Variants in CYP2C8 observed in about 807,000 individuals in gnomAD.
CYP2C8 encodes the protein cytochrome P450 2C8.
CYP2C8 carries 51 observed loss-of-function variants against 41.3 expected under a neutral mutation model. The ratio of observed to expected loss-of-function variants is 1.24; its 90% confidence interval spans 0.99 to 1.56. CYP2C8 has a LOEUF of 1.56. Ranked by LOEUF, CYP2C8 falls within the 40% of genes most tolerant of loss-of-function variation. The probability of loss-of-function intolerance (pLI) is 0.00; values close to 1 mark genes in which losing one functional copy is unlikely to be tolerated. For missense variants in CYP2C8, 651 were observed against 579.9 expected (o/e 1.12, Z -1.26); for synonymous variants, 218 against 205.8 (o/e 1.06, Z -0.51).
intron 4 of CYP2C8, among the ~76,000 whole-genome samples, chr10:95,063,528 T>G (rs560927556): frequency 6.6e-6 from 1 of 152,336 alleles, no homozygotes; most frequent in African/African-American, 2.4e-5. Flanking sequence ...GTTATTCTAG[T>G]TAGCCATTCA....
chr10:95,061,129 T>C (rs559851547), intron 4 of CYP2C8, among the ~76,000 whole-genome samples: 1 of 152,346 alleles, frequency 6.6e-6, no homozygotes, highest in East Asian at 1.9e-4. Context: ...CTGCCAGGCT[T>C]TGTTATCAGG....
chr10:95,043,438 T>C (rs1166253985), intron 6 of CYP2C8, among the ~76,000 whole-genome samples: 2 of 152,206 alleles, frequency 1.3e-5, no homozygotes, highest in East Asian at 3.8e-4. Context: ...TGGGGTATAA[T>C]GTTAAATTGT....
At chr10:95,047,651 T>C (rs1040754505) in intron 5 of CYP2C8, among the ~76,000 whole-genome samples, 2 of 152,094 alleles carry the variant, frequency 1.3e-5, no homozygotes, top group Non-Finnish European at 2.9e-5. Flanking sequence ...ATACAAAAAC[T>C]TGAGGCATTA....
intron 6 of CYP2C8, among the ~76,000 whole-genome samples, chr10:95,044,737 G>T (rs1460193018): frequency 6.6e-6 from 1 of 152,076 alleles, no homozygotes; most frequent in African/African-American, 2.4e-5. Flanking sequence ...GAAAAAATCA[G>T]GTACCTGATA....
rs76106817 is a variant in CYP2C8, at chr10:95,045,721, C to T, written c.961+89G>A. 1,962 of 1,504,888 alleles carry T rather than the reference C, an allele frequency of 1.3e-3. 3 individuals are homozygous for T. Among genetic ancestry groups the T allele is most frequent in the Non-Finnish European group, 1.7e-3 (1,813 of 1,083,158 alleles). 93.2% of individuals were successfully genotyped at this position (1,504,888 alleles called of 1,614,324 possible). A position where few individuals can be genotyped will look rare whatever the true frequency, so the allele number is the denominator to read the frequency against. On this transcript the variant is annotated intron_variant, in intron 6 of 8. Coordinates refer to ENST00000371270, the MANE Select transcript of CYP2C8 (RefSeq NM_000770.3). The stretch of plus-strand genomic sequence containing the variant: ...TGACACAGAAATTTAAAGAATGAGC[C>T]TTCTCTGAGAGAAACAAGGTGGAGG...
intron 1 of CYP2C8, among the ~76,000 whole-genome samples, chr10:95,068,827 A>C (rs1445176596): frequency 1.3e-5 from 2 of 152,298 alleles, no homozygotes; most frequent in South Asian, 2.1e-4. Context: ...TTGGGAGGCC[A>C]AGGCAGGCAG....
intron 5 of CYP2C8, among the ~76,000 whole-genome samples, chr10:95,047,927 A>T (rs1414163120): frequency 6.6e-6 from 1 of 152,228 alleles, no homozygotes; most frequent in Non-Finnish European, 1.5e-5. Context: ...ATCCTCGAGA[A>T]GTCTCAAAAC....
At chr10:95,065,218 C>T (rs2185571) in intron 3 of CYP2C8, among the ~76,000 whole-genome samples, 33,070 of 152,030 alleles carry the variant, frequency 0.22, 4,056 homozygotes, top group Non-Finnish European at 0.29. Flanking sequence ...CTCTTTTAAC[C>T]CCAAGTGTCT....
chr10:95,058,259 AG>A, intron 5 of CYP2C8, 75 bp downstream of exon 5: 1 of 1,581,340 alleles, frequency 6.3e-7, no homozygotes. Context: ...AAACATCCTT[AG>A]TAAATTACAG....
chr10:95,068,250 G>GTAACTGC (rs11572071), intron 1 of CYP2C8, among the ~76,000 whole-genome samples: 8,334 of 152,234 alleles, frequency 0.055, 341 homozygotes, highest in Middle Eastern at 0.17. Flanking sequence ...AGTCCAGTTT[G>GTAACTGC]TAACTGCTGG....
At chr10:95,056,393 C>CCAGAAA (rs2033315165) in intron 5 of CYP2C8, among the ~76,000 whole-genome samples, 1 of 152,134 alleles carries the variant, frequency 6.6e-6, no homozygotes, top group South Asian at 2.1e-4. Flanking sequence ...AATAACACTC[C>CCAGAAA]TAGGACTATA....
intron 5 of CYP2C8, among the ~76,000 whole-genome samples, chr10:95,056,876 G>C (rs2033324450): frequency 6.6e-6 from 1 of 152,084 alleles, no homozygotes; most frequent in Non-Finnish European, 1.5e-5. Flanking sequence ...AGGGTTCCTG[G>C]CTTTGCCCAG....
In CYP2C8 at chr10:95,069,263, A is replaced by C; in HGVS notation, c.140T>G (p.Val47Gly). 6.2e-7 allele frequency: 1 copy of C among 1,614,134 alleles called. No homozygotes were observed. Among genetic ancestry groups the C allele is most frequent in the Non-Finnish European group, 8.5e-7 (1 of 1,180,006 alleles). ...GGTGAAAGATTTGCAGATGTCCTTA[A>C]CATCTATCTGTAGCATATTTCCAAT... ...PIIGNMLQIDVKDICKSFTNF... is the reference protein window; with the variant it reads ...PIIGNMLQIDGKDICKSFTNF... The change falls in exon 1 of 9, where the codon GTT becomes GGT. Residue 47 changes from valine to glycine, a missense_variant. Physicochemically the swap from Val to Gly is moderately radical, Grantham distance 109. Transcript: ENST00000371270.
In CYP2C8 at chr10:95,046,766, A is replaced by G. The variant is rs11572151; in HGVS notation, c.820-815T>C. Among the ~76,000 whole-genome samples the G allele has an allele frequency of 7.5e-3, 1,140 of 151,664 alleles. 2 individuals are homozygous for G. Among genetic ancestry groups the G allele is most frequent in the South Asian group, 0.013 (64 of 4,800 alleles). ...AATATGGTAAAAAAAAAAAAAAAAA[A>G]AAGAAGGCACTTGACTCTCTCATGC... On this transcript the variant is annotated intron_variant, in intron 5 of 8. Transcript: ENST00000371270.
In CYP2C8 at chr10:95,067,259, G is replaced by C. The variant is rs540288649; in HGVS notation, c.430C>G (p.Arg144Gly). 3.3e-4 allele frequency: 532 copies of C among 1,614,138 alleles called. 3 individuals carry two copies. In the South Asian group the frequency reaches 5.4e-3, roughly 16 times the overall value. ...AGGCAGTGAGCTTCCTCTTGAACACGGTCCTCAATGCTCCTCTTCCCCATC... is the reference window on the plus strand; with the variant it reads ...AGGCAGTGAGCTTCCTCTTGAACACCGTCCTCAATGCTCCTCTTCCCCATC... The part of the protein sequence containing the change: ...FGMGKRSIED[R>G]VQEEAHCLVE... Residue 144 changes from arginine to glycine, a missense_variant, in exon 3 of 9, where the codon CGT becomes GGT. Transcript: ENST00000371270.
intron 3 of CYP2C8, among the ~76,000 whole-genome samples, chr10:95,066,149 AGAGAGTGTGTGT>A (rs1554877531): frequency 0.1 from 11,756 of 114,940 alleles, 478 homozygotes; most frequent in Non-Finnish European, 0.14. Context: ...AGAGAGAGAG[AGAGAGTGTGTGT>A]GTGTGTGTGT....
At chr10:95,043,759 C>T (rs2033054411) in intron 6 of CYP2C8, among the ~76,000 whole-genome samples, 1 of 151,974 alleles carries the variant, frequency 6.6e-6, no homozygotes, top group Non-Finnish European at 1.5e-5. Flanking sequence ...CACACACGTA[C>T]ACACACACAA....
At chr10:95,046,054 A>T in intron 5 of CYP2C8, 103 bp from the exon 6 acceptor site, 1 of 1,320,024 alleles carries the variant, frequency 7.6e-7, no homozygotes, top group Non-Finnish European at 1.1e-6. Context: ...GCCAAAAGAG[A>T]TACTGGACAG....
At chr10:95,045,232 G>A (rs921512929) in intron 6 of CYP2C8, among the ~76,000 whole-genome samples, 2 of 152,138 alleles carry the variant, frequency 1.3e-5, no homozygotes, top group Non-Finnish European at 2.9e-5. Context: ...TCCCTATTTG[G>A]TCAAATAGCA....
Sources: gnomAD v4.1 joint callset for allele counts (sites outside exome capture counted in the v4.1 genomes callset) on GRCh38, gnomAD v4.1.1 for gene constraint, MANE v1.5 for transcripts, NCBI Gene and HGNC (gene_info 2026-07-23, HGNC 2026-07-21) for gene names.